The following NCALD variants were observed in gnomAD, a reference collection of about 807,000 sequenced individuals.
The protein encoded by NCALD is neurocalcin-delta.
NCALD carries 10 observed loss-of-function variants against 18.6 expected under a neutral mutation model. The ratio of observed to expected loss-of-function variants is 0.54; its 90% CI spans 0.33 to 0.91. The LOEUF is 0.91. Among genes scored for constraint, NCALD ranks in the 40% least tolerant of loss-of-function variants. The probability of loss-of-function intolerance (pLI) is 0.03; values close to 1 mark genes in which losing one functional copy is unlikely to be tolerated. For synonymous variants in NCALD, 88 were observed against 87.4 expected (o/e 1.01, Z -0.04); for missense variants, 184 against 247.6 (o/e 0.74, Z 1.72).
intron 1 of NCALD, among the ~76,000 whole-genome samples, chr8:102,104,688 A>G (rs1287276120): frequency 6.6e-6 from 1 of 152,148 alleles, no homozygotes; most frequent in Non-Finnish European, 1.5e-5. Flanking sequence ...TTGTTTTTGC[A>G]TGGACAGTAT....
chr8:101,926,962 A>G (rs1208136165), intron 2 of NCALD, among the ~76,000 whole-genome samples: 2 of 152,192 alleles, frequency 1.3e-5, no homozygotes, highest in Non-Finnish European at 2.9e-5. Flanking sequence ...TATTGAGAAG[A>G]GCTAAAACAG....
At chr8:102,041,497 C>G (rs1823047989) in intron 1 of NCALD, among the ~76,000 whole-genome samples, 1 of 152,214 alleles carries the variant, frequency 6.6e-6, no homozygotes, top group African/African-American at 2.4e-5. Context: ...CTGAGATGAC[C>G]TGCCTTTTAA....
intron 2 of NCALD, among the ~76,000 whole-genome samples, chr8:101,994,218 A>C (rs1821154148): frequency 2.0e-5 from 3 of 152,198 alleles, no homozygotes; most frequent in Admixed American, 2.0e-4. Flanking sequence ...ATTCAGAGCC[A>C]AGGGAGGTAT....
chr8:101,782,260 C>T (rs1283339134), intron 1 of NCALD, among the ~76,000 whole-genome samples: 1 of 152,032 alleles, frequency 6.6e-6, no homozygotes, highest in Non-Finnish European at 1.5e-5. Flanking sequence ...TGAAGTTACA[C>T]AGCTTTGCCT....
chr8:101,987,947 G>A (rs1217325006), intron 2 of NCALD, among the ~76,000 whole-genome samples: 1 of 152,118 alleles, frequency 6.6e-6, no homozygotes, highest in Non-Finnish European at 1.5e-5. Context: ...GAGGTCAGGA[G>A]ATCGAGACCA....
chr8:101,743,609 C>T (rs1156736425), intron 1 of NCALD, among the ~76,000 whole-genome samples: 1 of 152,156 alleles, frequency 6.6e-6, no homozygotes, highest in Non-Finnish European at 1.5e-5. Flanking sequence ...CTTTCCCTGC[C>T]TTTCATTCCC....
intron 2 of NCALD, among the ~76,000 whole-genome samples, chr8:101,714,171 G>A (rs577601061): frequency 3.3e-5 from 5 of 152,258 alleles, no homozygotes; most frequent in South Asian, 4.1e-4. Context: ...GAAATAAAGC[G>A]TATTCAAATA....
chr8:101,949,821 G>A (rs1819320372), intron 2 of NCALD, among the ~76,000 whole-genome samples: 1 of 152,168 alleles, frequency 6.6e-6, no homozygotes, highest in African/African-American at 2.4e-5. Flanking sequence ...CTCTGAAGAG[G>A]TGGTTGGTTT....
intron 4 of NCALD, chr8:101,872,640 T>A: frequency 4.5e-6 from 2 of 440,852 alleles, no homozygotes; most frequent in South Asian, 4.5e-5. Context: ...CCCTTGCAGA[T>A]ATGTGGGCCT....
intron 2 of NCALD, among the ~76,000 whole-genome samples, chr8:101,976,774 C>T (rs1014509888): frequency 6.6e-6 from 1 of 151,952 alleles, no homozygotes. Context: ...GCACAGTCTA[C>T]CCCCCTGCCC....
intron 4 of NCALD, among the ~76,000 whole-genome samples, chr8:101,841,980 AC>A (rs1228968967): frequency 6.6e-6 from 1 of 152,194 alleles, no homozygotes; most frequent in East Asian, 1.9e-4. Flanking sequence ...ACAAAGTACC[AC>A]ACACTAAGTG....
chr8:102,038,302 A>G (rs985231103), intron 1 of NCALD, among the ~76,000 whole-genome samples: 2 of 152,196 alleles, frequency 1.3e-5, no homozygotes, highest in African/African-American at 4.8e-5. Flanking sequence ...GGGGAAAGAA[A>G]ACAATTGCTG....
chr8:101,889,045 C>G (rs1272442699), intron 3 of NCALD, among the ~76,000 whole-genome samples: 1 of 152,166 alleles, frequency 6.6e-6, no homozygotes, highest in Admixed American at 6.5e-5. Flanking sequence ...TGCAAACAAG[C>G]TGAAGTTACT....
intron 4 of NCALD, among the ~76,000 whole-genome samples, chr8:101,845,124 C>T (rs1240523189): frequency 2.6e-5 from 4 of 152,214 alleles, no homozygotes; most frequent in African/African-American, 9.6e-5. Flanking sequence ...GGCAGTGCCA[C>T]TCGAAGGAGT....
intron 4 of NCALD, among the ~76,000 whole-genome samples, chr8:101,861,501 G>C (rs1386940418): frequency 6.6e-6 from 1 of 151,708 alleles, no homozygotes; most frequent in African/African-American, 2.4e-5. Context: ...GGAAGACATA[G>C]TTTGAGCAAA....
At chr8:101,868,655 T>C (rs1815877344) in intron 4 of NCALD, among the ~76,000 whole-genome samples, 1 of 152,148 alleles carries the variant, frequency 6.6e-6, no homozygotes, top group Non-Finnish European at 1.5e-5. Context: ...CCTTGACGCA[T>C]GAGGAGAAGC....
chr8:102,096,083 G>A (rs984843458), intron 1 of NCALD, among the ~76,000 whole-genome samples: 1 of 152,112 alleles, frequency 6.6e-6, no homozygotes, highest in Non-Finnish European at 1.5e-5. Context: ...GGCACTAAAG[G>A]GCAGAAAACT....
chr8:102,101,391 G>A (rs1825276881), intron 1 of NCALD, among the ~76,000 whole-genome samples: 1 of 152,172 alleles, frequency 6.6e-6, no homozygotes. Flanking sequence ...GGTGTCTGCA[G>A]GCCTCTAGTG....
chr8:101,965,626 C>T (rs1446750823), intron 2 of NCALD, among the ~76,000 whole-genome samples: 1 of 151,802 alleles, frequency 6.6e-6, no homozygotes, highest in African/African-American at 2.4e-5. Context: ...GGGTGGGGGG[C>T]CAGGGGAGGG....
Sources: gnomAD v4.1 joint callset for allele counts (sites outside exome capture counted in the v4.1 genomes callset) on GRCh38, gnomAD v4.1.1 for gene constraint, MANE v1.5 for transcripts, NCBI Gene and HGNC (gene_info 2026-07-23, HGNC 2026-07-21) for gene names.